Variants in MAEA observed in about 807,000 individuals in gnomAD.
MAEA encodes macrophage erythroblast attacher, E3 ubiquitin ligase, also known as E3 ubiquitin-protein transferase MAEA.
In MAEA, 22 loss-of-function variants were observed where a neutral mutation model predicts 46.2. That is an observed-to-expected ratio of 0.48 (90% confidence interval 0.34 to 0.68). The LOEUF (loss-of-function observed/expected upper bound fraction) is 0.68. Ranked by LOEUF, MAEA falls within the 30% of genes least tolerant of loss-of-function variation. The probability of loss-of-function intolerance (pLI) is 0.01; values close to 1 mark genes in which losing one functional copy is unlikely to be tolerated. For synonymous variants in MAEA, 246 were observed against 222.6 expected (o/e 1.11, Z -0.94); for missense variants, 393 against 558.1 (o/e 0.70, Z 2.98).
intron 3 of MAEA, among the ~76,000 whole-genome samples, chr4:1,320,508 G>C (rs1037322255): frequency 8.0e-5 from 12 of 150,566 alleles, no homozygotes; most frequent in Non-Finnish European, 1.2e-4. Flanking sequence ...AAACATGCAA[G>C]AAAACGCTAT....
rs1323921202 is a variant in MAEA, at chr4:1,336,465, G to C, written c.766-396G>C. On this transcript the variant is annotated intron_variant, in intron 6 of 8. Transcript: ENST00000303400. ...CACAGCATGTTAAAATCAGAGTTAA[G>C]TCAGCACTCATCCCACAGTGTGTTG... Among the ~76,000 whole-genome samples, 3 of 151,650 alleles carry C rather than the reference G, an allele frequency of 2.0e-5. No individual in the cohort carries two copies. The East Asian group carries it at 5.8e-4, about 29-fold the overall frequency.
intron 1 of MAEA, chr4:1,309,702 C>T: frequency 6.5e-7 from 1 of 1,528,548 alleles, no homozygotes. Context: ...TGTGAAGACA[C>T]CGTGGCCCCG....
chr4:1,297,574 C>CT (rs1734872828), intron 1 of MAEA, among the ~76,000 whole-genome samples: 1 of 151,734 alleles, frequency 6.6e-6, no homozygotes, highest in South Asian at 2.1e-4. Context: ...CCTTGCCTGC[C>CT]TGGTTTCCTT....
intron 1 of MAEA, chr4:1,309,968 C>G: frequency 8.0e-7 from 1 of 1,246,898 alleles, no homozygotes; most frequent in African/African-American, 1.5e-5. Flanking sequence ...GAGGCCTTTC[C>G]TTTTCTGGTG....
At chr4:1,329,422 C>T (rs912633009) in intron 5 of MAEA, 5 of 985,372 alleles carry the variant, frequency 5.1e-6, no homozygotes, top group Non-Finnish European at 6.0e-6. Context: ...GAGCTGTGCC[C>T]TCTGCGGCCT....
At chr4:1,313,189 G>A (rs757908686) in intron 2 of MAEA, among the ~76,000 whole-genome samples, 9 of 152,260 alleles carry the variant, frequency 5.9e-5, no homozygotes, top group Non-Finnish European at 1.3e-4. Flanking sequence ...CCGGCTGGTG[G>A]TGCCTTCCAG....
chr4:1,317,005 CCCGGCCCCCACA>C (rs1737303642), intron 3 of MAEA, among the ~76,000 whole-genome samples: 2 of 144,586 alleles, frequency 1.4e-5, no homozygotes, highest in African/African-American at 2.5e-5. Flanking sequence ...CCAGGCCCAC[CCCGGCCCCCACA>C]CTCCAGACTC....
chr4:1,337,051 A>G, intron 7 of MAEA, 57 bp downstream of exon 7: 3 of 1,590,266 alleles, frequency 1.9e-6, no homozygotes, highest in Non-Finnish European at 2.6e-6. Context: ...CTTTGGTCAT[A>G]TTTTAACACG....
chr4:1,307,784 C>T (rs954453858), intron 1 of MAEA, among the ~76,000 whole-genome samples: 9 of 152,166 alleles, frequency 5.9e-5, no homozygotes, highest in African/African-American at 2.2e-4. Context: ...GATCCCAGCT[C>T]CAGGAGGGAC....
chr4:1,339,451 A>G lies in MAEA; in HGVS notation c.*282A>G, dbSNP rs1713233983. On this transcript the variant is annotated 3_prime_UTR_variant, in exon 9 of 9. Transcript: ENST00000303400. ...GAAACTCTTCTTTAAAGACTGACCT[A>G]AACACCGAGGGAAACTTAAGAACGT... 2.2e-6 allele frequency: 1 copy of G among 455,348 alleles called. No individual in the cohort carries two copies. 28.2% of individuals were successfully genotyped at this position (455,348 alleles called of 1,614,324 possible).
intron 3 of MAEA, among the ~76,000 whole-genome samples, chr4:1,316,754 C>T (rs1737226367): frequency 6.6e-6 from 1 of 152,122 alleles, no homozygotes; most frequent in Non-Finnish European, 1.5e-5. Context: ...GGCTCCCTTC[C>T]CAGCCTTGGA....
At chr4:1,290,399 G>A (rs1430390441) in intron 1 of MAEA, among the ~76,000 whole-genome samples, 3 of 152,178 alleles carry the variant, frequency 2.0e-5, no homozygotes, top group African/African-American at 7.2e-5. Flanking sequence ...CGGCTGCGCC[G>A]GTCGCTAGTT....
chr4:1,306,524 G>A (rs997346593), intron 1 of MAEA, among the ~76,000 whole-genome samples: 3 of 152,080 alleles, frequency 2.0e-5, no homozygotes, highest in Non-Finnish European at 2.9e-5. Context: ...CAAGAAAAAA[G>A]AAAAGAAAAG....
At chr4:1,333,293 A>C (rs1392811460) in intron 6 of MAEA, among the ~76,000 whole-genome samples, 1 of 151,618 alleles carries the variant, frequency 6.6e-6, no homozygotes, top group Non-Finnish European at 1.5e-5. Flanking sequence ...GTGAGCCAAG[A>C]TTGTGCCACT....
At chr4:1,333,991 C>A (rs528355788) in intron 6 of MAEA, among the ~76,000 whole-genome samples, 2 of 57,502 alleles carry the variant, frequency 3.5e-5, no homozygotes. Context: ...CACCCCTGCA[C>A]CCATCCCATG....
chr4:1,327,579 G>A (rs963837235), intron 4 of MAEA, 48 bp from the exon 5 acceptor site: 5 of 1,421,618 alleles, frequency 3.5e-6, no homozygotes, highest in African/African-American at 2.8e-5. Context: ...GGGCACCTGG[G>A]CTCTGTGGGA....
chr4:1,338,148 G>T, intron 7 of MAEA: 1 of 422,892 alleles, frequency 2.4e-6, no homozygotes, highest in Non-Finnish European at 4.3e-6. Context: ...GCCGGGGAGA[G>T]GGCGGCGGGC....
At position 1,339,086 on chromosome 4, in the gene MAEA, A is replaced by C. The variant is rs762825616; in HGVS notation, c.1108A>C (p.Ile370Leu). Residue 370 changes from isoleucine to leucine, a missense_variant, in exon 9 of 9, where the codon ATC becomes CTC. Ile to Leu is a conservative substitution (Grantham distance 5, BLOSUM62 2). Around this residue, in one of 2 missense-constraint regions of MAEA, gnomAD observed 358 missense variants for 537.9 expected, o/e 0.67. Coordinates refer to ENST00000303400, the MANE Select transcript of MAEA (RefSeq NM_001017405.3). Reference sequence around the variant, plus strand: ...TTTTATTTTTCAGTCTCTGCTTTCTATCCGTCAAGATGATAAAGTCGTGTG... The same window carrying C: ...TTTTATTTTTCAGTCTCTGCTTTCTCTCCGTCAAGATGATAAAGTCGTGTG... Reference protein sequence around the residue: ...YVYGYNSLLSIRQDDKVVCPR... With the variant: ...YVYGYNSLLSLRQDDKVVCPR... 6.2e-7 allele frequency: 1 copy of C among 1,613,512 alleles called. No individual in the cohort carries two copies. Among genetic ancestry groups the C allele is most frequent in the Non-Finnish European group, 8.5e-7 (1 of 1,179,802 alleles).
intron 6 of MAEA, among the ~76,000 whole-genome samples, chr4:1,334,284 G>A (rs1048953617): frequency 1.3e-5 from 2 of 151,376 alleles, no homozygotes; most frequent in Non-Finnish European, 2.9e-5. Context: ...CTCTGTCAGA[G>A]GCCGGGGTGT....
Sources: gnomAD v4.1 joint callset for allele counts (sites outside exome capture counted in the v4.1 genomes callset) on GRCh38, gnomAD v4.1.1 for gene constraint, gnomAD v4.1.1 regional missense constraint, MANE v1.5 for transcripts, NCBI Gene and HGNC (gene_info 2026-07-23, HGNC 2026-07-21) for gene names.